The following TTC7B variants were observed in gnomAD, a reference collection of about 807,000 sequenced individuals.
TTC7B encodes the protein tetratricopeptide repeat domain 7B.
A neutral mutation model predicts 106.8 loss-of-function variants in TTC7B; 28 were observed. The observed-to-expected ratio is 0.26, with a 90% CI of 0.19 to 0.36. The LOEUF is 0.36. TTC7B is among the 10% of genes least tolerant of loss of function. The probability of loss-of-function intolerance (pLI) is 1.00; values close to 1 mark genes in which losing one functional copy is unlikely to be tolerated. For missense variants in TTC7B, 862 were observed against 1,076.4 expected (o/e 0.80, Z 2.79); for synonymous variants, 405 against 430.6 (o/e 0.94, Z 0.74).
chr14:90,696,811 G>T (rs556188137), intron 5 of TTC7B, among the ~76,000 whole-genome samples: 2 of 152,282 alleles, frequency 1.3e-5, no homozygotes, highest in East Asian at 3.9e-4. Flanking sequence ...CTGTGCTCAG[G>T]ATGCCAAGCA....
chr14:90,639,777 T>C (rs543687825), intron 15 of TTC7B, among the ~76,000 whole-genome samples: 3 of 152,174 alleles, frequency 2.0e-5, no homozygotes, highest in Non-Finnish European at 4.4e-5. Flanking sequence ...CACGTATCTA[T>C]TCACAGTAGA....
At chr14:90,553,914 C>G (rs1890193796) in intron 19 of TTC7B, among the ~76,000 whole-genome samples, 1 of 152,230 alleles carries the variant, frequency 6.6e-6, no homozygotes, top group Non-Finnish European at 1.5e-5. Flanking sequence ...AAGCTGCTTT[C>G]TTCCAGGATG....
intron 9 of TTC7B, among the ~76,000 whole-genome samples, chr14:90,664,263 TA>T (rs1886322748): frequency 6.6e-6 from 1 of 152,320 alleles, no homozygotes; most frequent in East Asian, 1.9e-4. Context: ...TCACATTTTT[TA>T]TTTTTTTAAT....
chr14:90,756,543 G>A (rs546757059), intron 3 of TTC7B, among the ~76,000 whole-genome samples: 26 of 151,906 alleles, frequency 1.7e-4, no homozygotes, highest in Admixed American at 4.6e-4. Flanking sequence ...ACAGGCGTGC[G>A]CCACCACACC....
chr14:90,801,330 A>C (rs2030255878), intron 1 of TTC7B, among the ~76,000 whole-genome samples: 1 of 152,070 alleles, frequency 6.6e-6, no homozygotes, highest in Non-Finnish European at 1.5e-5. Flanking sequence ...AAGGAACGCG[A>C]AACCACTGAC....
chr14:90,806,042 C>CA (rs988982862), intron 1 of TTC7B, among the ~76,000 whole-genome samples: 1 of 151,906 alleles, frequency 6.6e-6, no homozygotes, highest in South Asian at 2.1e-4. Context: ...GACACGAACA[C>CA]AAAAAAAAGT....
chr14:90,595,803 T>A (rs1892177832), intron 17 of TTC7B, among the ~76,000 whole-genome samples: 1 of 152,206 alleles, frequency 6.6e-6, no homozygotes. Flanking sequence ...GCATCTTTGT[T>A]AATCACCCCA....
rs372969031 is a variant in TTC7B, at chr14:90,536,232, G to A, written c.*5136C>T. 460 of 155,346 alleles carry A rather than the reference G, an allele frequency of 3.0e-3. 2 individuals are homozygous for A. Among genetic ancestry groups the A allele is most frequent in the South Asian group, 6.1e-3 (30 of 4,900 alleles). 9.6% of individuals were successfully genotyped at this position (155,346 alleles called of 1,614,324 possible). ...CCGCCTCCCTTGCAGCTGCTCCTGC[G>A]CCTTCTTTCCTGATCTCTTCATTTC... On this transcript the variant is annotated 3_prime_UTR_variant, in exon 20 of 20. Coordinates refer to ENST00000328459, the MANE Select transcript of TTC7B (RefSeq NM_001010854.2).
intron 5 of TTC7B, among the ~76,000 whole-genome samples, chr14:90,724,726 AC>A (rs1168095631): frequency 6.6e-6 from 1 of 151,770 alleles, no homozygotes; most frequent in Non-Finnish European, 1.5e-5. Context: ...AGCCAATTAA[AC>A]CTCTTTTCTT....
intron 15 of TTC7B, among the ~76,000 whole-genome samples, chr14:90,643,087 A>G: frequency 6.6e-6 from 1 of 152,210 alleles, no homozygotes; most frequent in East Asian, 1.9e-4. Flanking sequence ...ATTTTCATCA[A>G]ATCACTACAT....
chr14:90,604,409 T>A (rs1405649389), intron 17 of TTC7B, among the ~76,000 whole-genome samples: 1 of 152,190 alleles, frequency 6.6e-6, no homozygotes, highest in Non-Finnish European at 1.5e-5. Flanking sequence ...TAAAGCAAAA[T>A]TCAGAACACT....
At chr14:90,561,473 C>A (rs1416632428) in intron 19 of TTC7B, among the ~76,000 whole-genome samples, 3 of 152,238 alleles carry the variant, frequency 2.0e-5, no homozygotes, top group African/African-American at 7.2e-5. Flanking sequence ...AGAGGGGACG[C>A]TTCACATTTC....
rs1356117837 is a variant in TTC7B at position 90,530,456 on chromosome 14, G to A, written c.*10912C>T. ...GCCTGCATCCTACTTTCTGGAACCTGTGAAGATGGTCACTTACCTGGCAAA... is the reference window on the plus strand; with the variant it reads ...GCCTGCATCCTACTTTCTGGAACCTATGAAGATGGTCACTTACCTGGCAAA... On this transcript the variant is annotated 3_prime_UTR_variant, in exon 20 of 20. Coordinates refer to ENST00000328459, the MANE Select transcript of TTC7B (RefSeq NM_001010854.2). 6.6e-6 allele frequency: 1 copy of A among 152,222 alleles called. No individual in the cohort carries two copies. The highest frequency in any genetic ancestry group is 1.5e-5 in the Non-Finnish European group (1 of 68,044). 9.4% of individuals were successfully genotyped at this position (152,222 alleles called of 1,614,324 possible).
At chr14:90,622,275 C>T (rs1308960211) in intron 15 of TTC7B, among the ~76,000 whole-genome samples, 1 of 151,994 alleles carries the variant, frequency 6.6e-6, no homozygotes, top group Non-Finnish European at 1.5e-5. Flanking sequence ...CATGCCACCA[C>T]ACTTGGCCAA....
At chr14:90,725,451 T>C (rs1316342382) in intron 5 of TTC7B, among the ~76,000 whole-genome samples, 2 of 152,192 alleles carry the variant, frequency 1.3e-5, no homozygotes, top group Non-Finnish European at 2.9e-5. Context: ...TAAGTCTAGG[T>C]TACACTGAGC....
At position 90,577,900 on chromosome 14, in the gene TTC7B, C is replaced by T. The variant is rs759882800; in HGVS notation, c.2310+206G>A. 2.0e-5 allele frequency among the ~76,000 whole-genome samples: 3 copies of T among 152,214 alleles called. No homozygotes were observed. The highest frequency in any genetic ancestry group is 6.5e-5 in the Admixed American group (1 of 15,290). On this transcript the variant is annotated intron_variant, in intron 19 of 19. Coordinates refer to ENST00000328459, the MANE Select transcript of TTC7B (RefSeq NM_001010854.2). The surrounding 1 kb of genome is among the most constrained non-coding windows in gnomAD (Gnocchi z 5.0). ...AGGATGTCGGGTAGGGCTGCTGAGG[C>T]TATACACAGCCAACTCTGGGGGTGC...
At chr14:90,743,389 G>T (rs188822914) in intron 4 of TTC7B, among the ~76,000 whole-genome samples, 2 of 152,248 alleles carry the variant, frequency 1.3e-5, no homozygotes, top group African/African-American at 2.4e-5. Flanking sequence ...CTTCCTGTCT[G>T]TTCATTTATA....
At chr14:90,613,968 G>A (rs549323166) in intron 16 of TTC7B, among the ~76,000 whole-genome samples, 1 of 152,368 alleles carries the variant, frequency 6.6e-6, no homozygotes, top group East Asian at 1.9e-4. Context: ...CTTCCACAGA[G>A]GTTAAACACG....
At chr14:90,780,941 C>A (rs1475097462) in intron 2 of TTC7B, 35 bp from the exon 3 acceptor site, 1 of 1,603,538 alleles carries the variant, frequency 6.2e-7, no homozygotes, top group Middle Eastern at 1.7e-4. Context: ...AAGCATTTTC[C>A]TACAATATCA....
Sources: gnomAD v4.1 joint callset for allele counts (sites outside exome capture counted in the v4.1 genomes callset) on GRCh38, gnomAD v4.1.1 for gene constraint, Gnocchi (gnomAD v3.1) non-coding constraint, MANE v1.5 for transcripts, NCBI Gene and HGNC (gene_info 2026-07-23, HGNC 2026-07-21) for gene names.